TSPAN7: variants seen among roughly 807,000 people sequenced by gnomAD.
TSPAN7 encodes the protein tetraspanin 7.
In TSPAN7, 1 loss-of-function variant was observed where a neutral mutation model predicts 17.6. That is an observed-to-expected ratio of 0.06 (90% confidence interval 0.02 to 0.27). TSPAN7 has a LOEUF of 0.27. Among genes scored for constraint, TSPAN7 ranks in the 10% least tolerant of loss-of-function variants. The pLI is 1.00. For missense variants in TSPAN7, 112 were observed against 201.7 expected, an observed-to-expected ratio of 0.56 and a Z score of 2.69; for synonymous variants, 78 against 79.0, an observed-to-expected ratio of 0.99 and a Z score of 0.07.
chrX:38,628,262 G>A (rs746122060), intron 1 of TSPAN7, among the ~76,000 whole-genome samples: 24 of 112,722 alleles, frequency 2.1e-4, no homozygotes, highest in Non-Finnish European at 3.0e-4. Context: ...AAATGACTCC[G>A]GGAGTGATCC....
chrX:38,681,329 C>T, intron 6 of TSPAN7, 42 bp downstream of exon 6: 2 of 1,083,070 alleles, frequency 1.8e-6, no homozygotes, highest in Non-Finnish European at 1.3e-6. Context: ...AACCTTTCCT[C>T]TGCCTCCCTC....
chrX:38,588,193 A>G (rs1451571838), intron 1 of TSPAN7, among the ~76,000 whole-genome samples: 1 of 110,994 alleles, frequency 9.0e-6, no homozygotes, highest in Non-Finnish European at 1.9e-5. Flanking sequence ...GAGTTTGCTA[A>G]TGCGTCTCTA....
chrX:38,631,938 C>G (rs1257526344), intron 1 of TSPAN7, among the ~76,000 whole-genome samples: 1 of 112,001 alleles, frequency 8.9e-6, no homozygotes, highest in Non-Finnish European at 1.9e-5. Context: ...CCATACCCCA[C>G]TAGGACAATG....
At chrX:38,573,678 A>T (rs2147396324) in intron 1 of TSPAN7, among the ~76,000 whole-genome samples, 1 of 111,987 alleles carries the variant, frequency 8.9e-6, no homozygotes, top group East Asian at 2.8e-4. Flanking sequence ...TACATTTAGT[A>T]GTCATGTCTC....
At position 38,664,714 on chromosome X, in the gene TSPAN7, A is replaced by G. The variant is rs189648627; in HGVS notation, c.82-1407A>G. On this transcript the variant is annotated intron_variant, in intron 1 of 7. Coordinates refer to ENST00000378482, the MANE Select transcript of TSPAN7 (RefSeq NM_004615.4). Reference sequence around the variant, plus strand: ...TAGTTCCTCAATCTTTTTCTGATTTAAAACCTTTAATTCTGTCTTTCATGG... The same window carrying G: ...TAGTTCCTCAATCTTTTTCTGATTTGAAACCTTTAATTCTGTCTTTCATGG... Among the ~76,000 whole-genome samples, 3 of 112,303 alleles carry G rather than the reference A, an allele frequency of 2.7e-5. No individual in the cohort carries two copies. In the East Asian group the frequency reaches 8.4e-4, roughly 31 times the overall value.
chrX:38,647,336 C>T (rs1302981363), intron 1 of TSPAN7, among the ~76,000 whole-genome samples: 1 of 111,762 alleles, frequency 8.9e-6, no homozygotes, highest in African/African-American at 3.3e-5. Flanking sequence ...AGGCTGGTCT[C>T]GAACTCCTGA....
chrX:38,631,591 A>G (rs2205513), intron 1 of TSPAN7, among the ~76,000 whole-genome samples: 40,927 of 109,954 alleles, frequency 0.37, 5,777 homozygotes, highest in East Asian at 0.68. Flanking sequence ...GTAAACAGAA[A>G]CAGACAGCTA....
chrX:38,640,233 G>A (rs2069604808), intron 1 of TSPAN7, among the ~76,000 whole-genome samples: 1 of 111,525 alleles, frequency 9.0e-6, no homozygotes, highest in South Asian at 3.8e-4. Context: ...TAGGGGAAGG[G>A]AAACTACCAT....
intron 1 of TSPAN7, 111 bp from the exon 2 acceptor site, chrX:38,666,010 C>A: frequency 1.5e-6 from 1 of 689,386 alleles, no homozygotes; most frequent in Non-Finnish European, 2.3e-6. Context: ...AATCCTACAG[C>A]AAGTACCGTC....
intron 1 of TSPAN7, among the ~76,000 whole-genome samples, chrX:38,657,574 T>C (rs916949419): frequency 9.0e-6 from 1 of 111,631 alleles, no homozygotes; most frequent in Non-Finnish European, 1.9e-5. Flanking sequence ...GAGCTAACAG[T>C]TGAATTTGAT....
intron 5 of TSPAN7, among the ~76,000 whole-genome samples, chrX:38,679,565 C>T (rs1433970088): frequency 9.0e-6 from 1 of 110,777 alleles, no homozygotes; most frequent in Non-Finnish European, 1.9e-5. Flanking sequence ...TTTGGGAAGC[C>T]GAAGTGGGTG....
At chrX:38,609,540 AT>A (rs1442490425) in intron 1 of TSPAN7, among the ~76,000 whole-genome samples, 1 of 110,031 alleles carries the variant, frequency 9.1e-6, no homozygotes, top group African/African-American at 3.3e-5. Context: ...TGTTTTAAAT[AT>A]TTTTTGAATC....
intron 1 of TSPAN7, among the ~76,000 whole-genome samples, chrX:38,642,135 C>T (rs1157817145): frequency 9.0e-6 from 1 of 111,636 alleles, no homozygotes; most frequent in Non-Finnish European, 1.9e-5. Flanking sequence ...TCTCTTCAAC[C>T]CTGTCTGCAG....
intron 1 of TSPAN7, among the ~76,000 whole-genome samples, chrX:38,641,217 T>C (rs1602109382): frequency 8.9e-6 from 1 of 112,531 alleles, no homozygotes; most frequent in East Asian, 2.8e-4. Flanking sequence ...CAAGAATTTC[T>C]ACTGTCTGCA....
rs183750825 is a variant in TSPAN7 at position 38,643,918 on chromosome X, A to G, written c.82-22203A>G. Among the ~76,000 whole-genome samples the G allele has an allele frequency of 3.3e-3, 370 of 111,784 alleles. 1 individual carries two copies. Among genetic ancestry groups the G allele is most frequent in the African/African-American group, 0.011 (350 of 30,757 alleles). On this transcript the variant is annotated intron_variant, in intron 1 of 7. Transcript: ENST00000378482. ...GCTTTGGTGGTAATGAATGAGAGAT[A>G]ATGGGAAGGAGGGGCAGAAAGGGTG...
At chrX:38,633,190 G>A (rs1041904205) in intron 1 of TSPAN7, among the ~76,000 whole-genome samples, 3 of 112,497 alleles carry the variant, frequency 2.7e-5, no homozygotes, top group African/African-American at 9.7e-5. Context: ...TTGTGATGCT[G>A]AAGCCAACTC....
intron 1 of TSPAN7, among the ~76,000 whole-genome samples, chrX:38,621,499 C>T (rs1159389914): frequency 9.0e-6 from 1 of 111,652 alleles, no homozygotes; most frequent in Non-Finnish European, 1.9e-5. Context: ...AGCAAAAGCT[C>T]ATCTGGGAAA....
intron 1 of TSPAN7, among the ~76,000 whole-genome samples, chrX:38,645,726 G>A (rs1217777012): frequency 8.9e-6 from 1 of 111,951 alleles, no homozygotes; most frequent in African/African-American, 3.3e-5. Context: ...TTAACAGAAT[G>A]AAAGATTCTC....
At chrX:38,570,864 T>A (rs748031679) in intron 1 of TSPAN7, 1 of 111,735 alleles carries the variant, frequency 8.9e-6, no homozygotes, top group African/African-American at 3.2e-5. Flanking sequence ...ACCCCACTAT[T>A]CATCAAGAAA....
Sources: allele counts gnomAD v4.1 joint callset (sites outside exome capture counted in the v4.1 genomes callset), GRCh38; gene constraint gnomAD v4.1.1; transcripts MANE v1.5; gene names NCBI Gene and HGNC (gene_info 2026-07-23, HGNC 2026-07-21).